PTPRG: variants seen among roughly 807,000 people sequenced by gnomAD.
The protein encoded by PTPRG is receptor-type tyrosine-protein phosphatase gamma.
In PTPRG, 102 loss-of-function variants were observed where a neutral mutation model predicts 165.3. The ratio of observed to expected loss-of-function variants is 0.62; its 90% CI spans 0.53 to 0.73. PTPRG has a LOEUF of 0.73. PTPRG is among the 30% of genes least tolerant of loss of function. The pLI is 0.00. For missense variants in PTPRG, 1,866 were observed against 1,861.4 expected, an observed-to-expected ratio of 1.00 and a Z score of -0.05; for synonymous variants, 675 against 669.5, an observed-to-expected ratio of 1.01 and a Z score of -0.13.
At chr3:61,681,054 T>TAAAAAAAAAAAAAAAAAAAAAAAA (rs61198100) in intron 1 of PTPRG, among the ~76,000 whole-genome samples, 1 of 66,104 alleles carries the variant, frequency 1.5e-5, no homozygotes, top group African/African-American at 5.4e-5. Context: ...CTTTATGTTC[T>TAAAAAAAAAAAAAAAAAAAAAAAA]AAAAAAAAAA....
intron 1 of PTPRG, among the ~76,000 whole-genome samples, chr3:61,650,105 C>T (rs1702309811): frequency 6.6e-6 from 1 of 152,116 alleles, no homozygotes; most frequent in African/African-American, 2.4e-5. Context: ...CCATAAGCAC[C>T]AGGGATTAAA....
chr3:62,212,542 G>A (rs1700385012), intron 12 of PTPRG, among the ~76,000 whole-genome samples: 1 of 152,152 alleles, frequency 6.6e-6, no homozygotes, highest in African/African-American at 2.4e-5. Context: ...AAAGACCCGA[G>A]TTAGTGTTGT....
intron 5 of PTPRG, among the ~76,000 whole-genome samples, chr3:62,111,394 G>T (rs1702661579): frequency 6.6e-6 from 1 of 152,210 alleles, no homozygotes; most frequent in Admixed American, 6.5e-5. Flanking sequence ...GAGACTGACA[G>T]TGTGCTTTAA....
chr3:61,753,718 C>G, intron 2 of PTPRG: 1 of 403,114 alleles, frequency 2.5e-6, no homozygotes, highest in Non-Finnish European at 4.8e-6. Context: ...TTCAGCCTCT[C>G]AAGTAGCTGG....
At chr3:61,640,932 T>A (rs114626321) in intron 1 of PTPRG, among the ~76,000 whole-genome samples, 1 of 152,172 alleles carries the variant, frequency 6.6e-6, no homozygotes, top group Admixed American at 6.5e-5. Context: ...AACTGTTGGA[T>A]TGCATGGTGC....
Position 61,866,582 on chromosome 3 carries a change from C to CTTTTTTTTTTTTTTTTT in PTPRG, c.190+117620_190+117636dup, listed in dbSNP as rs532356516. ...TTCCCTGGCTTTGGAACTGTTTGCTCTTTTTTTTTTTTTTTTTTTTTTTTT... is the reference window on the plus strand; with the variant it reads ...TTCCCTGGCTTTGGAACTGTTTGCTCTTTTTTTTTTTTTTTTTTTTTTTTTTTTTTTTTTTTTTTTTT... On this transcript the variant is annotated intron_variant, in intron 2 of 29. Coordinates refer to ENST00000474889, the MANE Select transcript of PTPRG (RefSeq NM_002841.4). Among the ~76,000 whole-genome samples, 5 of 69,110 alleles carry CTTTTTTTTTTTTTTTTT rather than the reference C, an allele frequency of 7.2e-5. 1 individual carries two copies. The highest frequency in any genetic ancestry group is 1.2e-4 in the Non-Finnish European group (4 of 33,140). The allele number at this position is 69,110 out of a possible 152,430, so 45.3% of individuals were successfully genotyped here.
intron 15 of PTPRG, among the ~76,000 whole-genome samples, chr3:62,253,338 A>AT (rs1701464530): frequency 6.6e-6 from 1 of 152,178 alleles, no homozygotes; most frequent in African/African-American, 2.4e-5. Flanking sequence ...TCTGCTAAAT[A>AT]TGTCACTCTG....
At chr3:61,953,857 GT>G (rs59521322) in intron 2 of PTPRG, among the ~76,000 whole-genome samples, 3 of 152,056 alleles carry the variant, frequency 2.0e-5, no homozygotes, top group Non-Finnish European at 2.9e-5. Context: ...ACAAGGGAGT[GT>G]ATTTTCTGCT....
chr3:62,187,756 G>C (rs569843126), intron 8 of PTPRG, among the ~76,000 whole-genome samples: 2 of 152,128 alleles, frequency 1.3e-5, no homozygotes, highest in African/African-American at 4.8e-5. Flanking sequence ...TACCCAGGAT[G>C]GGGGGTAGAG....
intron 5 of PTPRG, among the ~76,000 whole-genome samples, chr3:62,131,104 G>A (rs1359635383): frequency 1.3e-5 from 2 of 152,112 alleles, no homozygotes; most frequent in African/African-American, 2.4e-5. Context: ...GAGGGCTTCT[G>A]ACCCTCAACC....
At chr3:62,263,022 A>G (rs1701746963) in intron 17 of PTPRG, 128 bp downstream of exon 17, 1 of 689,552 alleles carries the variant, frequency 1.5e-6, no homozygotes, top group Non-Finnish European at 2.5e-6. Flanking sequence ...CTAACCTCTC[A>G]TTAGCCCATC....
chr3:62,030,632 G>A (rs560084190), intron 4 of PTPRG, among the ~76,000 whole-genome samples: 34 of 152,232 alleles, frequency 2.2e-4, no homozygotes, highest in African/African-American at 7.5e-4. Context: ...ATCTTGGGGT[G>A]GTGGGAGAGT....
intron 2 of PTPRG, chr3:61,749,278 C>A (rs2033338549): frequency 2.3e-6 from 1 of 429,572 alleles, no homozygotes; most frequent in African/African-American, 2.0e-5. Flanking sequence ...GTAGTCTTGT[C>A]TTTTCTGTTT....
At chr3:62,134,203 G>T (rs1396800703) in intron 6 of PTPRG, among the ~76,000 whole-genome samples, 2 of 152,172 alleles carry the variant, frequency 1.3e-5, no homozygotes, top group African/African-American at 4.8e-5. Context: ...CTCTGGGAGG[G>T]TTGCCAAGAT....
In PTPRG at chr3:61,871,710, A is replaced by T. The variant is rs934058817; in HGVS notation, c.191-117915A>T. On this transcript the variant is annotated intron_variant, in intron 2 of 29. Transcript: ENST00000474889. ...TATTTTAGAACTCATCTTGGGTTCC[A>T]CTTCCCTTTGATTTGGGGGTTGTAG... 3.9e-5 allele frequency among the ~76,000 whole-genome samples: 6 copies of T among 152,298 alleles called. No individual in the cohort carries two copies. In the East Asian group the frequency reaches 1.2e-3, roughly 29 times the overall value.
intron 12 of PTPRG, among the ~76,000 whole-genome samples, chr3:62,209,546 C>T (rs1700308711): frequency 6.6e-6 from 1 of 152,158 alleles, no homozygotes; most frequent in Non-Finnish European, 1.5e-5. Flanking sequence ...AAATTAGTTA[C>T]ATCAGGCACT....
Position 61,989,822 on chromosome 3 carries a change from T to C in PTPRG, c.370+18T>C, listed in dbSNP as rs1311569832. On this transcript the variant is annotated intron_variant, in intron 3 of 29. Transcript: ENST00000474889. The stretch of plus-strand genomic sequence containing the variant: ...GAAAACAGGTAGACAATGGCTTCTT[T>C]ATTTGTCCACAGAGCAACAGGAACT... 8.7e-6 allele frequency: 14 copies of C among 1,612,854 alleles called. No individual in the cohort carries two copies. The highest frequency in any genetic ancestry group is 1.1e-5 in the Non-Finnish European group (13 of 1,179,392).
chr3:61,791,487 T>G lies in PTPRG; in HGVS notation c.190+42505T>G, dbSNP rs2034865625. 1.3e-5 allele frequency among the ~76,000 whole-genome samples: 2 copies of G among 152,172 alleles called. 1 individual carries two copies. The highest frequency in any genetic ancestry group is 4.1e-4 in the South Asian group (2 of 4,820). ...TTCAGATGCTGTATTTCTAATAAAT[T>G]TATTTACTTACTTTTTTTGAGAGGG... is the stretch of plus-strand genomic sequence containing the variant. On this transcript the variant is annotated intron_variant, in intron 2 of 29. Coordinates refer to ENST00000474889, the MANE Select transcript of PTPRG (RefSeq NM_002841.4).
Position 62,233,343 on chromosome 3 carries a change from G to A in PTPRG, c.2375+2032G>A, listed in dbSNP as rs1700949616. ...GTACAATTCCTCATTCTGGCCCACT[G>A]TCCCCTCTCCTTCCCCATGCTCTCT... is the stretch of plus-strand genomic sequence containing the variant. On this transcript the variant is annotated intron_variant, in intron 14 of 29. Transcript: ENST00000474889. This position sits in a 1 kb window ranked among gnomAD's most constrained non-coding sequence, Gnocchi z 4.7. Among the ~76,000 whole-genome samples, 1 of 152,098 alleles carries A rather than the reference G, an allele frequency of 6.6e-6. No individual in the cohort carries two copies. Among genetic ancestry groups the A allele is most frequent in the Non-Finnish European group, 1.5e-5 (1 of 68,010 alleles).
Sources: gnomAD v4.1 joint callset for allele counts (sites outside exome capture counted in the v4.1 genomes callset) on GRCh38, gnomAD v4.1.1 for gene constraint, Gnocchi (gnomAD v3.1) non-coding constraint, MANE v1.5 for transcripts, NCBI Gene and HGNC (gene_info 2026-07-23, HGNC 2026-07-21) for gene names.